Variants in STARD8 observed in about 807,000 individuals in gnomAD.
STARD8 encodes StAR related lipid transfer domain containing 8, also known as stAR-related lipid transfer protein 8.
In STARD8, 25 loss-of-function variants were observed where a neutral mutation model predicts 69.4. The observed-to-expected ratio is 0.36, with a 90% CI of 0.26 to 0.50. STARD8 has a LOEUF of 0.50. Ranked by LOEUF, STARD8 falls within the 20% of genes least tolerant of loss-of-function variation. The probability of loss-of-function intolerance (pLI) is 0.96; values close to 1 mark genes in which losing one functional copy is unlikely to be tolerated. For synonymous variants in STARD8, 389 were observed against 374.6 expected, an observed-to-expected ratio of 1.04 and a Z score of -0.45; for missense variants, 921 against 932.5, an observed-to-expected ratio of 0.99 and a Z score of 0.16.
At chrX:68,711,040 A>G (rs957759171) in intron 2 of STARD8, among the ~76,000 whole-genome samples, 1 of 111,628 alleles carries the variant, frequency 9.0e-6, no homozygotes, top group Non-Finnish European at 1.9e-5. Context: ...CACCTAGACT[A>G]CCACTGGCCT....
chrX:68,700,577 G>A (rs1407166126), intron 2 of STARD8, among the ~76,000 whole-genome samples: 1 of 112,518 alleles, frequency 8.9e-6, no homozygotes, highest in East Asian at 2.8e-4. Flanking sequence ...GCCAAAGGCT[G>A]GCCTGTCTGA....
intron 3 of STARD8, among the ~76,000 whole-genome samples, chrX:68,713,625 C>A (rs1045211529): frequency 6.3e-5 from 7 of 111,671 alleles, no homozygotes; most frequent in African/African-American, 2.0e-4. Flanking sequence ...CCCCCCTTTC[C>A]TGGCTGCCTC....
At chrX:68,676,664 G>A (rs1241871239) in intron 2 of STARD8, among the ~76,000 whole-genome samples, 1 of 112,077 alleles carries the variant, frequency 8.9e-6, no homozygotes, top group Non-Finnish European at 1.9e-5. Context: ...CATGCCTTGT[G>A]TTTTGAGCTA....
At chrX:68,693,964 C>A (rs1273965989) in intron 2 of STARD8, 2 of 448,528 alleles carry the variant, frequency 4.5e-6, no homozygotes, top group Non-Finnish European at 2.8e-6. Context: ...ACGCAAGAGA[C>A]AGGGAGGAAG....
At chrX:68,674,033 C>A (rs1285709022) in intron 2 of STARD8, among the ~76,000 whole-genome samples, 2 of 111,574 alleles carry the variant, frequency 1.8e-5, no homozygotes, top group African/African-American at 6.5e-5. Flanking sequence ...ATGGCTCACA[C>A]CTGTAATCCC....
At chrX:68,672,595 G>A (rs1167674221) in intron 2 of STARD8, among the ~76,000 whole-genome samples, 1 of 111,863 alleles carries the variant, frequency 8.9e-6, no homozygotes, top group African/African-American at 3.3e-5. Context: ...TGGGGAGAAG[G>A]CAGAGACAAA....
At chrX:68,691,774 T>TA (rs1405675334) in intron 2 of STARD8, among the ~76,000 whole-genome samples, 1 of 112,314 alleles carries the variant, frequency 8.9e-6, no homozygotes, top group African/African-American at 3.2e-5. Context: ...TGATGGCTTT[T>TA]AAAAAAATAC....
intron 2 of STARD8, among the ~76,000 whole-genome samples, chrX:68,705,217 T>C (rs1210771112): frequency 8.9e-6 from 1 of 112,280 alleles, no homozygotes; most frequent in Non-Finnish European, 1.9e-5. Context: ...ACCTTCCTTG[T>C]CATAGGGAAA....
At chrX:68,713,602 G>A (rs948233796) in intron 3 of STARD8, among the ~76,000 whole-genome samples, 18 of 111,143 alleles carry the variant, frequency 1.6e-4, no homozygotes, top group African/African-American at 2.3e-4. Context: ...TCCTTCCTTC[G>A]GCTTCTGGAA....
chrX:68,717,752 G>C lies in STARD8; in HGVS notation c.838G>C (p.Ala280Pro), dbSNP rs759704508. 3.3e-6 allele frequency: 4 copies of C among 1,212,141 alleles called. No homozygotes were observed. Among genetic ancestry groups the C allele is most frequent in the Non-Finnish European group, 3.3e-6 (3 of 895,582 alleles). ...SGANTRKAWE[A>P]WPVASFRHPQ... ...TGCCAATACTCGGAAGGCCTGGGAG[G>C]CCTGGCCTGTGGCCTCGTTCCGGCA... is the stretch of plus-strand genomic sequence containing the variant. The change falls in exon 6 of 15, where the codon GCC (alanine) becomes CCC (proline). Residue 280 changes from alanine to proline, a missense_variant. Coordinates refer to ENST00000374599, the MANE Select transcript of STARD8 (RefSeq NM_001142503.3).
chrX:68,656,872 G>C (rs1227556736), intron 1 of STARD8, among the ~76,000 whole-genome samples: 1 of 110,957 alleles, frequency 9.0e-6, no homozygotes, highest in Non-Finnish European at 1.9e-5. Flanking sequence ...GTGGAGGAGG[G>C]GGGAGGGATA....
chrX:68,711,556 C>T (rs1438463322), intron 2 of STARD8, among the ~76,000 whole-genome samples: 1 of 112,248 alleles, frequency 8.9e-6, no homozygotes, highest in Non-Finnish European at 1.9e-5. Context: ...TCCCTCAAAT[C>T]CTCATCAGTG....
intron 1 of STARD8, among the ~76,000 whole-genome samples, chrX:68,648,690 C>T (rs2079529868): frequency 8.9e-6 from 1 of 111,967 alleles, no homozygotes; most frequent in Non-Finnish European, 1.9e-5. Flanking sequence ...TACTATATGC[C>T]AGACATTGTG....
At chrX:68,669,821 T>C (rs2079717429) in intron 2 of STARD8, among the ~76,000 whole-genome samples, 1 of 112,196 alleles carries the variant, frequency 8.9e-6, no homozygotes, top group Admixed American at 9.4e-5. Context: ...TTATTTAACA[T>C]GCTATTGGGT....
chrX:68,688,769 C>A (rs1229546791), intron 2 of STARD8, among the ~76,000 whole-genome samples: 1 of 106,684 alleles, frequency 9.4e-6, no homozygotes, highest in Non-Finnish European at 1.9e-5. Flanking sequence ...CCAGGCTCCC[C>A]ACCCTTCCTT....
At position 68,718,144 on chromosome X, in the gene STARD8, C is replaced by T. The variant is rs755949443; in HGVS notation, c.1230C>T (p.Tyr410=). ...TAGAGCTGTGGTCTCGGGCCATGTA[C>T]CCAGACCTGGGGCCTGGAGATGAGG... The part of the protein sequence containing the change: ...QRVELWSRAM[Y]PDLGPGDEEE... Residue 410 remains tyrosine (Y), a synonymous_variant, in exon 6 of 15, where the codon TAC becomes TAT. Coordinates refer to ENST00000374599, the MANE Select transcript of STARD8 (RefSeq NM_001142503.3). 9 of 1,211,643 alleles carry T rather than the reference C, an allele frequency of 7.4e-6. No individual in the cohort carries two copies. The highest frequency in any genetic ancestry group is 1.0e-5 in the Non-Finnish European group (9 of 895,440).
chrX:68,699,068 T>C (rs1438055050), intron 2 of STARD8, among the ~76,000 whole-genome samples: 2 of 111,992 alleles, frequency 1.8e-5, no homozygotes, highest in African/African-American at 6.5e-5. Context: ...TCCCCAAGCC[T>C]GTGTCTGTCC....
At position 68,724,486 on chromosome X, in the gene STARD8, A is replaced by C. The variant is rs1476633545; in HGVS notation, c.*64A>C. On this transcript the variant is annotated 3_prime_UTR_variant, in exon 15 of 15. Coordinates refer to ENST00000374599, the MANE Select transcript of STARD8 (RefSeq NM_001142503.3). The stretch of plus-strand genomic sequence containing the variant: ...CTGGGCACCAAGGGAGCGAGGGGGA[A>C]TAAGAGCAGGGCAGCCCCCTGGGTG... 8 of 1,008,353 alleles carry C rather than the reference A, an allele frequency of 7.9e-6. No individual in the cohort carries two copies. In the Admixed American group the frequency reaches 2.0e-4, roughly 25 times the overall value. 83.1% of individuals were successfully genotyped at this position (1,008,353 alleles called of 1,213,427 possible). A position where few individuals can be genotyped will look rare whatever the true frequency, so the allele number is the denominator to read the frequency against.
At chrX:68,694,011 C>T (rs1442731810) in intron 2 of STARD8, among the ~76,000 whole-genome samples, 1 of 113,361 alleles carries the variant, frequency 8.8e-6, no homozygotes, top group Non-Finnish European at 1.9e-5. Context: ...ATTGGGGGGT[C>T]AGAATCGCCG....
Sources: gnomAD v4.1 joint callset for allele counts (sites outside exome capture counted in the v4.1 genomes callset) on GRCh38, gnomAD v4.1.1 for gene constraint, MANE v1.5 for transcripts, NCBI Gene and HGNC (gene_info 2026-07-23, HGNC 2026-07-21) for gene names.